ZNF33A: variants seen among roughly 807,000 people sequenced by gnomAD.
ZNF33A encodes the protein brain my041 protein.
ZNF33A carries 9 observed loss-of-function variants against 15.9 expected under a neutral mutation model. That is an observed-to-expected ratio of 0.57 (90% CI 0.34 to 0.99). The LOEUF (loss-of-function observed/expected upper bound fraction) is 0.99, where lower values mean the gene tolerates loss of function less well. Among genes scored for constraint, ZNF33A ranks in the 50% least tolerant of loss-of-function variants. The probability of loss-of-function intolerance (pLI) is 0.02; values close to 1 mark genes in which losing one functional copy is unlikely to be tolerated. For synonymous variants in ZNF33A, 294 were observed against 324.2 expected (o/e 0.91, Z 1.00); for missense variants, 843 against 941.6 (o/e 0.90, Z 1.37).
rs575352290 is a variant in ZNF33A, at chr10:38,057,717, G to A, written c.*1157G>A. 14 of 985,450 alleles carry A rather than the reference G, an allele frequency of 1.4e-5. No individual in the cohort carries two copies. The African/African-American group carries it at 1.9e-4, about 13-fold the overall frequency. The allele number at this position is 985,450 out of a possible 1,614,324, so 61.0% of individuals were successfully genotyped here. A position where few individuals can be genotyped will look rare whatever the true frequency, so the allele number is the denominator to read the frequency against. ...CTTTCTCTTCCTACCTGTGGCTCAT[G>A]CCATGCCATGAAGTGCCTAGGGTAC... On this transcript the variant is annotated 3_prime_UTR_variant, in exon 5 of 5. Coordinates refer to ENST00000432900, the MANE Select transcript of ZNF33A (RefSeq NM_006954.2).
At chr10:38,041,206 T>C (rs970088139) in intron 4 of ZNF33A, among the ~76,000 whole-genome samples, 5 of 152,150 alleles carry the variant, frequency 3.3e-5, no homozygotes, top group African/African-American at 7.2e-5. Context: ...TCTGGGCTTT[T>C]AGTGTGGCCA....
Position 38,057,841 on chromosome 10 carries a change from C to T in ZNF33A, c.*1281C>T. 8 of 985,350 alleles carry T rather than the reference C, an allele frequency of 8.1e-6. No individual in the cohort carries two copies. Among genetic ancestry groups the T allele is most frequent in the Non-Finnish European group, 9.6e-6 (8 of 829,924 alleles). The allele number at this position is 985,350 out of a possible 1,614,324, so 61.0% of individuals were successfully genotyped here. ...GCCCTGGAAAGGCCCACACATACAGCCCAGGGCTGCCCAGGGCTGTTGGAC... is the reference window on the plus strand; with the variant it reads ...GCCCTGGAAAGGCCCACACATACAGTCCAGGGCTGCCCAGGGCTGTTGGAC... On this transcript the variant is annotated 3_prime_UTR_variant, in exon 5 of 5. Transcript: ENST00000432900.
intron 4 of ZNF33A, among the ~76,000 whole-genome samples, chr10:38,035,350 T>G (rs2135661427): frequency 6.6e-6 from 1 of 152,208 alleles, no homozygotes. Context: ...ACTCCTGATC[T>G]TAGGTGATCC....
In ZNF33A at chr10:38,010,680, C is replaced by G. The variant is rs372346878; in HGVS notation, c.-148C>G. On this transcript the variant is annotated 5_prime_UTR_variant, in exon 1 of 5. Transcript: ENST00000432900. ...CGTCCGCCGGCTACGTCTGCGTTTCCGCCTTTCCTTTTGTTTTTCTCAGGT... is the reference window on the plus strand; with the variant it reads ...CGTCCGCCGGCTACGTCTGCGTTTCGGCCTTTCCTTTTGTTTTTCTCAGGT... 1 of 1,592,670 alleles carries G rather than the reference C, an allele frequency of 6.3e-7. No homozygotes were observed. Among genetic ancestry groups the G allele is most frequent in the South Asian group, 1.1e-5 (1 of 90,954 alleles).
downstream of ZNF33A, among the ~76,000 whole-genome samples, chr10:38,066,206 C>T (rs1441535203): frequency 6.6e-6 from 1 of 152,152 alleles, no homozygotes; most frequent in African/African-American, 2.4e-5. Flanking sequence ...TCTGGATACA[C>T]TTCTCCTGGT....
At chr10:38,023,236 ACCCGGCCAAGAGGGAACATTT>A (rs980521716) in intron 4 of ZNF33A, among the ~76,000 whole-genome samples, 3 of 152,094 alleles carry the variant, frequency 2.0e-5, no homozygotes, top group African/African-American at 7.2e-5. Flanking sequence ...GAGCCACCGC[ACCCGGCCAAGAGGGAACATTT>A]CTTAACACAT....
In ZNF33A at chr10:38,058,182, C is replaced by T. The variant is rs1457197363; in HGVS notation, c.*1622C>T. 3.7e-6 allele frequency: 2 copies of T among 544,150 alleles called. No individual in the cohort carries two copies. The highest frequency in any genetic ancestry group is 4.7e-6 in the Non-Finnish European group (2 of 427,258). 33.7% of individuals were successfully genotyped at this position (544,150 alleles called of 1,614,324 possible). A position where few individuals can be genotyped will look rare whatever the true frequency, so the allele number is the denominator to read the frequency against. On this transcript the variant is annotated 3_prime_UTR_variant, in exon 5 of 5. Transcript: ENST00000432900. The stretch of plus-strand genomic sequence containing the variant: ...ATCATTGAAATTGAAAAGAGAAAAT[C>T]GATAAAACCCAAAACTGGTTCCTTG...
chr10:38,056,294 A>G lies in ZNF33A; in HGVS notation c.2170A>G (p.Asn724Asp). The change falls in exon 5 of 5, where the codon AAT (asparagine) becomes GAT (aspartate). Residue 724 changes from asparagine to aspartate, a missense_variant. By Grantham distance (23) the Asn-to-Asp change is conservative. Transcript: ENST00000432900. ...CACAGGAGAGAAATCTTGTCAATGT[A>G]ATGAATGTGGAAAAATCTTTTACCG... ...AHTGEKSCQC[N>D]ECGKIFYRKS... 1 of 1,614,168 alleles carries G rather than the reference A, an allele frequency of 6.2e-7. No individual in the cohort carries two copies. Among genetic ancestry groups the G allele is most frequent in the South Asian group, 1.1e-5 (1 of 91,084 alleles).
At chr10:38,048,644 A>G (rs2066063248) in intron 4 of ZNF33A, among the ~76,000 whole-genome samples, 4 of 152,326 alleles carry the variant, frequency 2.6e-5, no homozygotes, top group Admixed American at 2.6e-4. Flanking sequence ...TGACAGCCAG[A>G]TGAAATAGCT....
At chr10:38,010,897 G>T (rs999146925) in intron 1 of ZNF33A, 114 bp downstream of exon 1, 26 of 1,329,714 alleles carry the variant, frequency 2.0e-5, no homozygotes, top group Non-Finnish European at 2.3e-5. Flanking sequence ...CCTCATAGGG[G>T]AAGGCGGGGA....
downstream of ZNF33A, among the ~76,000 whole-genome samples, chr10:38,067,410 G>A (rs2066718472): frequency 6.6e-6 from 1 of 152,176 alleles, no homozygotes; most frequent in South Asian, 2.1e-4. Flanking sequence ...GCCAGAGTAG[G>A]AGTTCTGCTT....
chr10:38,039,398 G>GGTTTT (rs780613419), intron 4 of ZNF33A: 3 of 392,072 alleles, frequency 7.7e-6, no homozygotes, highest in Non-Finnish European at 1.5e-5. Flanking sequence ...AATTTTTTGT[G>GGTTTT]TTTTTTTTTT....
intron 2 of ZNF33A, among the ~76,000 whole-genome samples, chr10:38,015,786 T>C (rs1311044625): frequency 3.9e-5 from 6 of 152,194 alleles, no homozygotes; most frequent in African/African-American, 1.4e-4. Flanking sequence ...GTGACCACAT[T>C]TTGTTGTTCT....
intron 4 of ZNF33A, among the ~76,000 whole-genome samples, chr10:38,020,204 G>GA (rs1038267428): frequency 2.4e-4 from 36 of 152,146 alleles, no homozygotes; most frequent in African/African-American, 7.9e-4. Flanking sequence ...TGATAGAGTG[G>GA]AAAAAACATA....
intron 4 of ZNF33A, among the ~76,000 whole-genome samples, chr10:38,027,862 C>A (rs1402036930): frequency 1.3e-5 from 2 of 152,106 alleles, no homozygotes; most frequent in Admixed American, 1.3e-4. Flanking sequence ...GTATAGCCAC[C>A]CCAGTTCCCT....
chr10:38,058,057 G>A lies in ZNF33A; in HGVS notation c.*1497G>A. 1 of 984,344 alleles carries A rather than the reference G, an allele frequency of 1.0e-6. No individual in the cohort carries two copies. The highest frequency in any genetic ancestry group is 1.2e-6 in the Non-Finnish European group (1 of 829,022). 61.0% of individuals were successfully genotyped at this position (984,344 alleles called of 1,614,324 possible). On this transcript the variant is annotated 3_prime_UTR_variant, in exon 5 of 5. Coordinates refer to ENST00000432900, the MANE Select transcript of ZNF33A (RefSeq NM_006954.2). ...ATAATCTAAGATTATACAGTCTAGT[G>A]ATCCTAGATTACACAAGTAATCTAA...
chr10:38,056,181 A>C lies in ZNF33A; in HGVS notation c.2057A>C (p.Lys686Thr). 8 of 1,613,854 alleles carry C rather than the reference A, an allele frequency of 5.0e-6. No individual in the cohort carries two copies. Among genetic ancestry groups the C allele is most frequent in the Non-Finnish European group, 6.8e-6 (8 of 1,179,928 alleles). ...VKSGLIFHER[K>T]HTGEKPYECN... ...TCAGGACTTATTTTCCATGAGAGAA[A>C]GCACACGGGGGAGAAACCCTATGAA... Residue 686 changes from lysine (K) to threonine (T), a missense_variant, in exon 5 of 5, where the codon AAG becomes ACG. Coordinates refer to ENST00000432900, the MANE Select transcript of ZNF33A (RefSeq NM_006954.2).
rs138401103 is a variant in ZNF33A at position 38,056,173 on chromosome 10, T to C, written c.2049T>C (p.His683=). ...SFCVKSGLIF[H]ERKHTGEKPY... is the part of the protein sequence containing the mutation. ...GTGTAAAATCAGGACTTATTTTCCA[T>C]GAGAGAAAGCACACGGGGGAGAAAC... Residue 683 remains histidine (H), a synonymous_variant, in exon 5 of 5, where the codon CAT becomes CAC. Coordinates refer to ENST00000432900, the MANE Select transcript of ZNF33A (RefSeq NM_006954.2). The C allele has an allele frequency of 1.2e-4, 199 of 1,614,026 alleles. No homozygotes were observed. Among genetic ancestry groups the C allele is most frequent in the Middle Eastern group, 1.6e-4 (1 of 6,082 alleles).
At position 38,010,745 on chromosome 10, in the gene ZNF33A, C is replaced by A. The variant is rs372301160; in HGVS notation, c.-83C>A. ...GGTCCCGGGATTTCAAGGGTCTACG[C>A]GCTTTTCTATGGCGAATGCAACCCG... On this transcript the variant is annotated 5_prime_UTR_variant, in exon 1 of 5. Transcript: ENST00000432900. The A allele has an allele frequency of 3.1e-6, 5 of 1,598,450 alleles. No individual in the cohort carries two copies. The South Asian group carries it at 5.5e-5, about 18-fold the overall frequency.
Sources: gnomAD v4.1 joint callset for allele counts (sites outside exome capture counted in the v4.1 genomes callset) on GRCh38, gnomAD v4.1.1 for gene constraint, MANE v1.5 for transcripts, NCBI Gene and HGNC (gene_info 2026-07-23, HGNC 2026-07-21) for gene names.